Variants in WIZ observed in about 807,000 individuals in gnomAD.
WIZ encodes protein Wiz.
Under a neutral mutation model 140.2 loss-of-function variants are expected in WIZ, and 25 were observed. That is an observed-to-expected ratio of 0.18 (90% confidence interval 0.13 to 0.25). The LOEUF is 0.25. WIZ is among the 10% of genes least tolerant of loss of function. The pLI is 1.00. For missense variants in WIZ, 2,231 were observed against 2,632.6 expected (o/e 0.85, Z 3.34); for synonymous variants, 1,125 against 1,154.3 (o/e 0.97, Z 0.51).
rs373522229 is a variant in WIZ, at chr19:15,435,233, C to CA, written c.2740+1572dup. Among the ~76,000 whole-genome samples, 188 of 150,098 alleles carry CA rather than the reference C, an allele frequency of 1.3e-3. 3 individuals carry two copies. Among genetic ancestry groups the CA allele is most frequent in the Middle Eastern group, 3.4e-3 (1 of 290 alleles). On this transcript the variant is annotated intron_variant, in intron 5 of 12. Transcript: ENST00000673675. ...ACTCTGCCTCAAACCAACCAACAAACAAAAAAAAACAGAAACACAGCAATC... is the reference window on the plus strand; with the variant it reads ...ACTCTGCCTCAAACCAACCAACAAACAAAAAAAAAACAGAAACACAGCAATC...
intron 1 of WIZ, among the ~76,000 whole-genome samples, chr19:15,449,285 G>A (rs769835285): frequency 6.6e-6 from 1 of 151,974 alleles, no homozygotes; most frequent in East Asian, 1.9e-4. Flanking sequence ...GGTTGCAGGC[G>A]CTGCCCTCGG....
At chr19:15,425,922 C>T (rs1364455178) in intron 9 of WIZ, among the ~76,000 whole-genome samples, 154 bp from the exon 10 acceptor site, 1 of 141,894 alleles carries the variant, frequency 7.0e-6, no homozygotes, top group African/African-American at 2.6e-5. Context: ...GAGAAGGAGG[C>T]GGCGGCTGCG....
chr19:15,440,648 G>A lies in WIZ; in HGVS notation c.346C>T (p.Pro116Ser). The change falls in exon 4 of 13, where the codon CCA (proline) becomes TCA (serine). Residue 116 changes from proline (P) to serine (S), a missense_variant. Physicochemically the swap from Pro to Ser is moderately conservative, Grantham distance 74. Around this residue, in one of 15 missense-constraint regions of WIZ, gnomAD observed 307 missense variants for 294.1 expected, o/e 1.04. Coordinates refer to ENST00000673675, the MANE Select transcript of WIZ (RefSeq NM_001371589.1). The surrounding 1 kb of genome is among the most constrained non-coding windows in gnomAD (Gnocchi z 6.2). ...GGCCCCCGGCCATCAGGGGTACCTG[G>A]GAAATGGCCCAGGAGATGGGGTGGT... The part of the protein sequence containing the change: ...SPPPHLLGHF[P>S]GTPDGRGPWE... 2 of 1,529,204 alleles carry A rather than the reference G, an allele frequency of 1.3e-6. No individual in the cohort carries two copies. Among genetic ancestry groups the A allele is most frequent in the Middle Eastern group, 1.7e-4 (1 of 5,918 alleles). The allele number at this position is 1,529,204 out of a possible 1,614,324, so 94.7% of individuals were successfully genotyped here.
Position 15,427,790 on chromosome 19 carries a change from G to T in WIZ, c.3815-257C>A, listed in dbSNP as rs915712349. Among the ~76,000 whole-genome samples, 4 of 152,144 alleles carry T rather than the reference G, an allele frequency of 2.6e-5. No homozygotes were observed. Among genetic ancestry groups the T allele is most frequent in the African/African-American group, 9.7e-5 (4 of 41,430 alleles). On this transcript the variant is annotated intron_variant, in intron 8 of 12. Transcript: ENST00000673675. The surrounding 1 kb of genome is among the most constrained non-coding windows in gnomAD (Gnocchi z 6.4). ...GGAACCAAGATTCCATTGCTCTGTGGGTCCCAACAAGGACAGGGTGAGGCA... is the reference window on the plus strand; with the variant it reads ...GGAACCAAGATTCCATTGCTCTGTGTGTCCCAACAAGGACAGGGTGAGGCA...
chr19:15,429,620 C>A lies in WIZ; in HGVS notation c.3381G>T (p.Trp1127Cys). ...AGGGCCCCTCATCCTCAGACTGAGG[C>A]CACTGTGCCTTTGGGGAGGCCGGCC... Reference protein sequence around the residue: ...SPRPASPKAQWPQSEDEGPLN... With the variant: ...SPRPASPKAQCPQSEDEGPLN... Residue 1127 changes from tryptophan to cysteine, a missense_variant, in exon 7 of 13, where the codon TGG becomes TGT. Physicochemically the swap from Trp to Cys is radical, Grantham distance 215 (BLOSUM62 -2). Around this residue, in one of 15 missense-constraint regions of WIZ, gnomAD observed 163 missense variants for 166.8 expected, o/e 0.98. Coordinates refer to ENST00000673675, the MANE Select transcript of WIZ (RefSeq NM_001371589.1). The A allele has an allele frequency of 7.1e-7, 1 of 1,413,756 alleles. No individual in the cohort carries two copies. Among genetic ancestry groups the A allele is most frequent in the Non-Finnish European group, 9.2e-7 (1 of 1,086,838 alleles). 87.6% of individuals were successfully genotyped at this position (1,413,756 alleles called of 1,614,324 possible).
At chr19:15,448,066 G>T in intron 2 of WIZ, 37 bp downstream of exon 2, 1 of 1,608,506 alleles carries the variant, frequency 6.2e-7, no homozygotes, top group Non-Finnish European at 8.5e-7. Context: ...GGAATGGGCT[G>T]GATGCTCCCT....
At position 15,445,359 on chromosome 19, in the gene WIZ, C is replaced by G. The variant is rs535831303; in HGVS notation, c.206-2611G>C. On this transcript the variant is annotated intron_variant, in intron 2 of 12. Coordinates refer to ENST00000673675, the MANE Select transcript of WIZ (RefSeq NM_001371589.1). ...TCCCACTCCGAGCCTTGGTTTCTTC[C>G]GCTGTGCAATGGGAACAGCCACCGA... Among the ~76,000 whole-genome samples the G allele has an allele frequency of 2.0e-5, 3 of 152,218 alleles. No individual in the cohort carries two copies. The South Asian group carries it at 6.2e-4, about 31-fold the overall frequency.
rs536856407 is a variant in WIZ, at chr19:15,443,622, C to T, written c.206-874G>A. 2.6e-5 allele frequency among the ~76,000 whole-genome samples: 4 copies of T among 152,184 alleles called. No homozygotes were observed. In the East Asian group the frequency reaches 7.7e-4, roughly 29 times the overall value. On this transcript the variant is annotated intron_variant, in intron 2 of 12. Transcript: ENST00000673675. Reference sequence around the variant, plus strand: ...GCCCCTATGATTTTCTCTCTCAGCACCTGTTTCATTTCTTTCTTAGAACTT... The same window carrying T: ...GCCCCTATGATTTTCTCTCTCAGCATCTGTTTCATTTCTTTCTTAGAACTT...
Position 15,429,969 on chromosome 19 carries a change from G to A in WIZ, c.3032C>T (p.Ala1011Val). ...LGVAESESSG[A>V]PIDLLYELVK... is the part of the protein sequence containing the mutation. Reference sequence around the variant, plus strand: ...AAGCTCGTAGAGGAGGTCGATGGGTGCGCCGCTGCTTTCCGACTCTGCCAC... The same window carrying A: ...AAGCTCGTAGAGGAGGTCGATGGGTACGCCGCTGCTTTCCGACTCTGCCAC... Residue 1011 changes from alanine to valine, a missense_variant, in exon 7 of 13, where the codon GCA (alanine) becomes GTA (valine). Transcript: ENST00000673675. 6.5e-7 allele frequency: 1 copy of A among 1,536,018 alleles called. No homozygotes were observed. The highest frequency in any genetic ancestry group is 8.7e-7 in the Non-Finnish European group (1 of 1,146,836).
intron 9 of WIZ, among the ~76,000 whole-genome samples, chr19:15,426,146 T>C (rs985321958): frequency 6.6e-6 from 1 of 151,966 alleles, no homozygotes; most frequent in Non-Finnish European, 1.5e-5. Flanking sequence ...ACTTTCCCTC[T>C]CTGAGCCTGT....
intron 2 of WIZ, among the ~76,000 whole-genome samples, chr19:15,444,954 A>G (rs1031656666): frequency 1.3e-5 from 2 of 152,172 alleles, no homozygotes; most frequent in Non-Finnish European, 2.9e-5. Context: ...TCTTTGTCTG[A>G]GCAATTCCAG....
At position 15,439,605 on chromosome 19, in the gene WIZ, G is replaced by C; in HGVS notation, c.1389C>G (p.Leu463=). Residue 463 remains leucine, a synonymous_variant, in exon 4 of 13, where the codon CTC becomes CTG. Coordinates refer to ENST00000673675, the MANE Select transcript of WIZ (RefSeq NM_001371589.1). The surrounding 1 kb of genome is among the most constrained non-coding windows in gnomAD (Gnocchi z 7.0). ...GGAAACCACAGAAGACACAGGCGCT[G>C]AGGCCAACGGCAGCTCCGTAGGGCT... The part of the protein sequence containing the change: ...LYQPYGAAVG[L]SACVFCGFPA... 6.8e-7 allele frequency: 1 copy of C among 1,480,256 alleles called. No homozygotes were observed. The highest frequency in any genetic ancestry group is 8.9e-7 in the Non-Finnish European group (1 of 1,118,010). The allele number at this position is 1,480,256 out of a possible 1,614,324, so 91.7% of individuals were successfully genotyped here.
intron 6 of WIZ, among the ~76,000 whole-genome samples, 167 bp downstream of exon 6, chr19:15,430,845 G>C (rs139679392): frequency 6.6e-6 from 1 of 152,258 alleles, no homozygotes; most frequent in Admixed American, 6.5e-5. Flanking sequence ...CAGGACAGTA[G>C]AAGTTCAAGA....
intron 9 of WIZ, among the ~76,000 whole-genome samples, chr19:15,426,168 C>A (rs1415468597): frequency 6.6e-6 from 1 of 151,986 alleles, no homozygotes; most frequent in Non-Finnish European, 1.5e-5. Flanking sequence ...TCCTCCGCTG[C>A]AAAATGGAGA....
rs1359721110 is a variant in WIZ at position 15,427,496 on chromosome 19, C to T, written c.3852G>A (p.Glu1284=). 1.2e-6 allele frequency: 2 copies of T among 1,611,582 alleles called. No individual in the cohort carries two copies. The highest frequency in any genetic ancestry group is 4.5e-5 in the East Asian group (2 of 44,834). The change falls in exon 9 of 13, where the codon GAG becomes GAA. Residue 1284 remains glutamate (E), a synonymous_variant. Coordinates refer to ENST00000673675, the MANE Select transcript of WIZ (RefSeq NM_001371589.1). The surrounding 1 kb of genome is among the most constrained non-coding windows in gnomAD (Gnocchi z 6.4). ...GPEPARDIRC[E]FCGEFFENRK... ...GGTTCTCGAAGAACTCACCACAGAA[C>T]TCGCAGCGGATGTCTCGTGCTGGCT...
At chr19:15,437,719 A>G (rs910266613) in intron 4 of WIZ, among the ~76,000 whole-genome samples, 11 of 152,260 alleles carry the variant, frequency 7.2e-5, no homozygotes, top group African/African-American at 2.7e-4. Flanking sequence ...CATCTATGAG[A>G]GTATTTGATT....
chr19:15,436,383 C>T (rs1969516272), intron 5 of WIZ: 2 of 160,056 alleles, frequency 1.2e-5, no homozygotes, highest in Non-Finnish European at 2.7e-5. Flanking sequence ...TCACCCTTTC[C>T]AGCTGTGTGA....
At chr19:15,436,625 G>A (rs1969523355) in intron 5 of WIZ, 181 bp downstream of exon 5, 1 of 602,844 alleles carries the variant, frequency 1.7e-6, no homozygotes, top group Admixed American at 4.1e-5. Context: ...CAGATCCTGA[G>A]TGAAACAGAA....
intron 4 of WIZ, among the ~76,000 whole-genome samples, chr19:15,438,150 C>A (rs1218453788): frequency 6.6e-6 from 1 of 152,180 alleles, no homozygotes; most frequent in Non-Finnish European, 1.5e-5. Context: ...AACTGACAAA[C>A]CTTACAGGCA....
Sources: allele counts gnomAD v4.1 joint callset (sites outside exome capture counted in the v4.1 genomes callset), GRCh38; gene constraint gnomAD v4.1.1; regional missense constraint gnomAD v4.1.1; non-coding constraint Gnocchi (gnomAD v3.1); transcripts MANE v1.5; gene names NCBI Gene and HGNC (gene_info 2026-07-23, HGNC 2026-07-21).